Variants in GRK1 observed in about 807,000 individuals in gnomAD.
GRK1 encodes rhodopsin kinase GRK1.
Under a neutral mutation model 41.7 loss-of-function variants are expected in GRK1, and 28 were observed. The ratio of observed to expected loss-of-function variants is 0.67; its 90% CI spans 0.50 to 0.92. GRK1 has a LOEUF of 0.92. GRK1 is among the 40% of genes least tolerant of loss of function. The probability of loss-of-function intolerance (pLI) is 0.00; values close to 1 mark genes in which losing one functional copy is unlikely to be tolerated. For synonymous variants in GRK1, 327 were observed against 286.7 expected (o/e 1.14, Z -1.42); for missense variants, 703 against 671.2 (o/e 1.05, Z -0.52).
At chr13:113,729,830 A>G (rs1288992108) in intron 4 of GRK1, among the ~76,000 whole-genome samples, 2 of 144,272 alleles carry the variant, frequency 1.4e-5, no homozygotes, top group Non-Finnish European at 3.0e-5. Flanking sequence ...CTGAGCCCAG[A>G]CCCGTCCTTC....
the GRK1 span, among the ~76,000 whole-genome samples, chr13:113,656,364 G>A: frequency 8.7e-4 from 133 of 152,316 alleles, no homozygotes; most frequent in African/African-American, 3.0e-3. Context: ...AGATGTGGGC[G>A]GTGCGTGTCT....
the GRK1 span, chr13:113,649,363 C>T: frequency 7.3e-5 from 116 of 1,587,792 alleles, no homozygotes; most frequent in African/African-American, 1.2e-3. This position sits in a 1 kb window ranked among gnomAD's most constrained non-coding sequence, Gnocchi z 4.7. Context: ...AGGACCCCTG[C>T]GCAAACCGTT....
chr13:113,661,842 C>T, the GRK1 span, among the ~76,000 whole-genome samples: 2 of 152,298 alleles, frequency 1.3e-5, no homozygotes, highest in African/African-American at 4.8e-5. Context: ...AATTTAAAAT[C>T]TCCCAATAAA....
rs1321179819 is a variant in GRK1, at chr13:113,735,425, C to T, written c.*62C>T. ...ATACGGCTCGATGGGGGCCGCCTGC[C>T]TCCGTGGTGCCAGCCTGGGGTCTGC... On this transcript the variant is annotated 3_prime_UTR_variant, in exon 7 of 7. Coordinates refer to ENST00000335678, the MANE Select transcript of GRK1 (RefSeq NM_002929.3). 12 of 1,419,434 alleles carry T rather than the reference C, an allele frequency of 8.5e-6. No individual in the cohort carries two copies. The highest frequency in any genetic ancestry group is 1.1e-5 in the Non-Finnish European group (12 of 1,086,282). 87.9% of individuals were successfully genotyped at this position (1,419,434 alleles called of 1,614,324 possible).
chr13:113,660,376 G>A, the GRK1 span, among the ~76,000 whole-genome samples: 2 of 152,164 alleles, frequency 1.3e-5, no homozygotes, highest in Admixed American at 6.5e-5. Flanking sequence ...GTCCTCAGGA[G>A]CCCACCCAAA....
rs1441083580 is a variant in GRK1 at position 113,671,836 on chromosome 13, A to C, written c.985+180A>C. On this transcript the variant is annotated intron_variant, in intron 3 of 6. Coordinates refer to ENST00000335678, the MANE Select transcript of GRK1 (RefSeq NM_002929.3). The surrounding 1 kb of genome is among the most constrained non-coding windows in gnomAD (Gnocchi z 4.1). The stretch of plus-strand genomic sequence containing the variant: ...TCGGGCACCAGGAGTCACAGGAGTG[A>C]GTGCAGGGGTCTGTGGTGCAGAACC... Among the ~76,000 whole-genome samples, 2 of 152,060 alleles carry C rather than the reference A, an allele frequency of 1.3e-5. No homozygotes were observed. The highest frequency in any genetic ancestry group is 2.9e-5 in the Non-Finnish European group (2 of 67,986).
At chr13:113,732,030 C>T (rs1460032981) in intron 5 of GRK1, among the ~76,000 whole-genome samples, 2 of 152,192 alleles carry the variant, frequency 1.3e-5, no homozygotes, top group Non-Finnish European at 2.9e-5. Flanking sequence ...ATAGGGATAA[C>T]ATTGGGAGGT....
At chr13:113,660,914 T>C in the GRK1 span, among the ~76,000 whole-genome samples, 5 of 152,186 alleles carry the variant, frequency 3.3e-5, no homozygotes, top group African/African-American at 7.2e-5. Flanking sequence ...ACAATTATAG[T>C]TGGAGATCTC....
chr13:113,668,059 C>T lies in GRK1; in HGVS notation c.673C>T (p.Arg225Trp), dbSNP rs561462848. 1.3e-4 allele frequency: 207 copies of T among 1,609,250 alleles called. No individual in the cohort carries two copies. The highest frequency in any genetic ancestry group is 7.9e-4 in the South Asian group (71 of 90,328). The part of the protein sequence containing the change: ...LYACKKLNKK[R>W]LKKRKGYQGA... ...TGCCTGCAAGAAGCTGAACAAGAAG[C>T]GGCTGAAGAAGAGGAAGGGCTACCA... Residue 225 changes from arginine to tryptophan, a missense_variant, in exon 1 of 7, where the codon CGG becomes TGG. By Grantham distance (101) the Arg-to-Trp change is moderately radical. Transcript: ENST00000335678.
chr13:113,724,651 C>T (rs555007711), intron 4 of GRK1, among the ~76,000 whole-genome samples: 1 of 152,332 alleles, frequency 6.6e-6, no homozygotes, highest in African/African-American at 2.4e-5. Flanking sequence ...ATGTGGGATT[C>T]CGTAGCCACT....
chr13:113,650,566 G>T, the GRK1 span: 1 of 1,436,686 alleles, frequency 7.0e-7, no homozygotes, highest in Non-Finnish European at 9.6e-7. The surrounding 1 kb of genome is among the most constrained non-coding windows in gnomAD (Gnocchi z 5.0). Context: ...CGGTGTCTGT[G>T]TGTTGCGTTT....
intron 5 of GRK1, among the ~76,000 whole-genome samples, 185 bp from the exon 6 acceptor site, chr13:113,732,699 C>A (rs758435881): frequency 6.6e-6 from 1 of 152,200 alleles, no homozygotes; most frequent in Admixed American, 6.5e-5. Flanking sequence ...CTGGGAGCTT[C>A]GCCTTTAGGA....
chr13:113,734,499 G>A (rs2049988293), intron 6 of GRK1: 1 of 152,422 alleles, frequency 6.6e-6, no homozygotes, highest in Non-Finnish European at 1.5e-5. Context: ...CCGTCACAGA[G>A]GCCGTCTGGG....
intron 1 of GRK1, 114 bp downstream of exon 1, chr13:113,668,199 C>T (rs909502474): frequency 6.8e-5 from 77 of 1,134,760 alleles, no homozygotes; most frequent in Non-Finnish European, 8.8e-5. Flanking sequence ...ACAGCTGGTG[C>T]CTAAGGGAGC....
At chr13:113,649,271 T>G in the GRK1 span, 9 of 1,392,018 alleles carry the variant, frequency 6.5e-6, no homozygotes, top group Non-Finnish European at 6.8e-6. The surrounding 1 kb of genome is among the most constrained non-coding windows in gnomAD (Gnocchi z 4.7). Context: ...CCAAACCACT[T>G]TGGGGATGAT....
chr13:113,659,122 G>A, the GRK1 span, among the ~76,000 whole-genome samples: 10 of 152,318 alleles, frequency 6.6e-5, no homozygotes, highest in African/African-American at 1.9e-4. Context: ...TGAGCCTCTC[G>A]CCCATGGGTC....
chr13:113,735,193 G>C lies in GRK1; in HGVS notation c.1522G>C (p.Glu508Gln), dbSNP rs1445028999. 6.5e-7 allele frequency: 1 copy of C among 1,537,168 alleles called. No individual in the cohort carries two copies. Among genetic ancestry groups the C allele is most frequent in the East Asian group, 2.4e-5 (1 of 40,918 alleles). Residue 508 changes from glutamate (E) to glutamine (Q), a missense_variant, in exon 7 of 7, where the codon GAA becomes CAA. Transcript: ENST00000335678. ...FDKTDTEFFQ[E>Q]FATGNCPIPW... ...CAAAACAGACACAGAATTCTTTCAG[G>C]AATTTGCCACTGGCAACTGCCCCAT... is the stretch of plus-strand genomic sequence containing the variant.
chr13:113,666,677 C>T (rs1195685261), upstream of GRK1, among the ~76,000 whole-genome samples: 6 of 152,116 alleles, frequency 3.9e-5, no homozygotes, highest in African/African-American at 1.4e-4. Flanking sequence ...GCCTTGCCTG[C>T]AAACCCCAGG....
chr13:113,659,175 C>T, the GRK1 span, among the ~76,000 whole-genome samples: 828 of 152,300 alleles, frequency 5.4e-3, 2 homozygotes, highest in Non-Finnish European at 8.6e-3. Context: ...TCTTGTTGGG[C>T]GGCGCACTTC....
Sources: allele counts gnomAD v4.1 joint callset (sites outside exome capture counted in the v4.1 genomes callset), GRCh38; gene constraint gnomAD v4.1.1; non-coding constraint Gnocchi (gnomAD v3.1); transcripts MANE v1.5; gene names NCBI Gene and HGNC (gene_info 2026-07-23, HGNC 2026-07-21).